ROBO2: variants seen among roughly 807,000 people sequenced by gnomAD.
ROBO2 encodes roundabout guidance receptor 2.
ROBO2 carries 53 observed loss-of-function variants against 160.8 expected under a neutral mutation model. The observed-to-expected ratio is 0.33, with a 90% CI of 0.26 to 0.41. ROBO2 has a LOEUF of 0.41. Ranked by LOEUF, ROBO2 falls within the 10% of genes least tolerant of loss-of-function variation. The pLI, the probability that ROBO2 is intolerant of heterozygous loss-of-function variation, is 1.00. For missense variants in ROBO2, 1,577 were observed against 1,722.4 expected (o/e 0.92, Z 1.49); for synonymous variants, 664 against 611.7 (o/e 1.09, Z -1.26).
At chr3:76,403,304 A>C (rs904819198) in intron 2 of ROBO2, among the ~76,000 whole-genome samples, 1 of 151,670 alleles carries the variant, frequency 6.6e-6, no homozygotes, top group African/African-American at 2.4e-5. Context: ...TTTTTAATTT[A>C]TAATTCAGCA....
At chr3:75,980,117 A>G (rs2065236488) in intron 2 of ROBO2, among the ~76,000 whole-genome samples, 1 of 151,526 alleles carries the variant, frequency 6.6e-6, no homozygotes, top group Non-Finnish European at 1.5e-5. Flanking sequence ...TCACTTTCCA[A>G]ATTTCCAGAC....
At chr3:76,072,018 C>A (rs1208902526) in intron 2 of ROBO2, among the ~76,000 whole-genome samples, 1 of 152,078 alleles carries the variant, frequency 6.6e-6, no homozygotes, top group Non-Finnish European at 1.5e-5. Flanking sequence ...CCATGTTATA[C>A]CACATCTTTT....
chr3:76,447,208 A>G (rs1384622355), intron 2 of ROBO2, among the ~76,000 whole-genome samples: 2 of 152,204 alleles, frequency 1.3e-5, no homozygotes, highest in Non-Finnish European at 2.9e-5. Context: ...AAAGACAAAC[A>G]ACCCCATCAA....
chr3:76,449,206 C>T (rs1252497915), intron 2 of ROBO2, among the ~76,000 whole-genome samples: 2 of 152,046 alleles, frequency 1.3e-5, no homozygotes, highest in African/African-American at 4.8e-5. Flanking sequence ...AAATGTTATA[C>T]AGTACATGCT....
intron 2 of ROBO2, among the ~76,000 whole-genome samples, chr3:76,500,715 T>G (rs2107636308): frequency 6.6e-6 from 1 of 152,336 alleles, no homozygotes; most frequent in African/African-American, 2.4e-5. Context: ...AGTTAATTTT[T>G]ATTTTATTAA....
intron 2 of ROBO2, among the ~76,000 whole-genome samples, chr3:76,486,103 T>C (rs757019022): frequency 3.3e-5 from 5 of 152,194 alleles, no homozygotes; most frequent in Admixed American, 6.5e-5. Flanking sequence ...GCCTTTGTTA[T>C]CATCAGGGGC....
chr3:76,430,453 A>G (rs1281339147), intron 2 of ROBO2, among the ~76,000 whole-genome samples: 1 of 151,812 alleles, frequency 6.6e-6, no homozygotes, highest in Non-Finnish European at 1.5e-5. Flanking sequence ...TCCCTTTTCC[A>G]CAATCCTTGT....
chr3:77,511,903 T>C (rs1427186662), intron 5 of ROBO2, among the ~76,000 whole-genome samples: 1 of 151,934 alleles, frequency 6.6e-6, no homozygotes, highest in African/African-American at 2.4e-5. Flanking sequence ...CTGTGAAAAT[T>C]TTTATTTTCT....
At chr3:76,605,704 G>T (rs2087595535) in intron 2 of ROBO2, among the ~76,000 whole-genome samples, 2 of 152,000 alleles carry the variant, frequency 1.3e-5, no homozygotes, top group South Asian at 2.1e-4. Flanking sequence ...AGGAAATTAG[G>T]GATATTTAAC....
intron 2 of ROBO2, among the ~76,000 whole-genome samples, chr3:76,871,149 G>A (rs1329951486): frequency 6.6e-6 from 1 of 152,154 alleles, no homozygotes; most frequent in Non-Finnish European, 1.5e-5. Context: ...ATTCCTAAAT[G>A]ATTTCGTCAT....
At chr3:76,672,119 A>G (rs1052370961) in intron 2 of ROBO2, among the ~76,000 whole-genome samples, 3 of 152,170 alleles carry the variant, frequency 2.0e-5, no homozygotes, top group African/African-American at 7.2e-5. Flanking sequence ...ATCCACAGGT[A>G]GAAATCTTAG....
intron 4 of ROBO2, among the ~76,000 whole-genome samples, chr3:77,491,088 A>G (rs918015311): frequency 1.3e-5 from 2 of 152,156 alleles, no homozygotes; most frequent in Non-Finnish European, 1.5e-5. Context: ...TCATGGTCTT[A>G]TCACTCACTC....
At chr3:76,562,076 C>A (rs1424236822) in intron 2 of ROBO2, among the ~76,000 whole-genome samples, 1 of 151,932 alleles carries the variant, frequency 6.6e-6, no homozygotes. Flanking sequence ...ATCTGACTAT[C>A]TGGGAAATCT....
intron 2 of ROBO2, among the ~76,000 whole-genome samples, chr3:75,996,123 A>G (rs566939026): frequency 3.9e-5 from 6 of 152,272 alleles, no homozygotes; most frequent in Admixed American, 6.5e-5. Flanking sequence ...TTGAGAAGGC[A>G]TGGTTTGTTT....
chr3:76,157,300 A>G (rs2072444820), intron 2 of ROBO2, among the ~76,000 whole-genome samples: 1 of 151,956 alleles, frequency 6.6e-6, no homozygotes, highest in Non-Finnish European at 1.5e-5. Flanking sequence ...GTCTATAGAG[A>G]GCTTTTTTTT....
intron 2 of ROBO2, among the ~76,000 whole-genome samples, chr3:76,141,822 T>G (rs1164682269): frequency 6.6e-6 from 1 of 152,034 alleles, no homozygotes; most frequent in Admixed American, 6.6e-5. Flanking sequence ...ATGTTAATTA[T>G]GCTTGTTAAA....
chr3:76,579,703 T>C (rs1316650501), intron 2 of ROBO2, among the ~76,000 whole-genome samples: 2 of 149,932 alleles, frequency 1.3e-5, no homozygotes, highest in South Asian at 2.1e-4. Flanking sequence ...GCTGGAGCCA[T>C]ATGTACGAAA....
At position 75,982,385 on chromosome 3, in the gene ROBO2, C is replaced by T. The variant is rs151279279; in HGVS notation, c.109+44783C>T. 2.9e-3 allele frequency among the ~76,000 whole-genome samples: 437 copies of T among 151,524 alleles called. 8 individuals are homozygous for T. The Middle Eastern group carries it at 0.048, about 17-fold the overall frequency. On this transcript the variant is annotated intron_variant, in intron 2 of 26. Coordinates refer to the ROBO2 transcript ENST00000487694. ...TAGTGGTTGTATAAATTTACATTCC[C>T]GCCAACAGTGTACAAATGTTTCCTT...
exon 15 of ROBO2, chr3:77,577,572 T>A (rs2093802010): frequency 6.2e-7 from 1 of 1,613,136 alleles, no homozygotes; most frequent in Admixed American, 1.7e-5. Context: ...CCTGGGATCC[T>A]CCTCCTCCAG....
Sources: gnomAD v4.1 joint callset for allele counts (sites outside exome capture counted in the v4.1 genomes callset) on GRCh38, gnomAD v4.1.1 for gene constraint, MANE v1.5 for transcripts, NCBI Gene and HGNC (gene_info 2026-07-23, HGNC 2026-07-21) for gene names.